ACLY: variants seen among roughly 807,000 people sequenced by gnomAD.
ACLY encodes the protein ATP citrate lyase.
ACLY carries 41 observed loss-of-function variants against 133.0 expected under a neutral mutation model. That is an observed-to-expected ratio of 0.31 (90% CI 0.24 to 0.40). The LOEUF is 0.40. ACLY is among the 10% of genes least tolerant of loss of function. ACLY has a pLI of 1.00. For missense variants in ACLY, 1,046 were observed against 1,453.8 expected (o/e 0.72, Z 4.56); for synonymous variants, 495 against 549.3 (o/e 0.90, Z 1.38).
At chr17:41,890,005 C>T (rs1385888404) in intron 16 of ACLY, among the ~76,000 whole-genome samples, 2 of 152,154 alleles carry the variant, frequency 1.3e-5, no homozygotes, top group Non-Finnish European at 2.9e-5. Context: ...AGTAGTTCAA[C>T]TTCTAGAAAT....
At position 41,873,918 on chromosome 17, in the gene ACLY, G is replaced by A. The variant is rs781924155; in HGVS notation, c.2535C>T (p.Cys845=). The A allele has an allele frequency of 1.1e-4, 169 of 1,609,316 alleles. 2 individuals are homozygous for A. In the South Asian group the frequency reaches 1.2e-3, roughly 12 times the overall value. The change falls in exon 23 of 29, where the codon TGC becomes TGT. Residue 845 remains cysteine (C), a synonymous_variant. Transcript: ENST00000352035. ...AGATGAGCTCCTGTCCTCGCTCATC[G>A]CAGATGCTGGTCATGAACGAGGCAG... is the stretch of plus-strand genomic sequence containing the variant. ...RKPASFMTSI[C]DERGQELIYA...
At position 41,905,687 on chromosome 17, in the gene ACLY, C is replaced by T. The variant is rs149804220; in HGVS notation, c.867-29G>A. Reference sequence around the variant, plus strand: ...CCAAGGAGACAGAAGTCAGTGATGGCTCTCACACTTGGGGCAGGGAGTGGC... The same window carrying T: ...CCAAGGAGACAGAAGTCAGTGATGGTTCTCACACTTGGGGCAGGGAGTGGC... On this transcript the variant is annotated intron_variant, in intron 8 of 28. Coordinates refer to ENST00000352035, the MANE Select transcript of ACLY (RefSeq NM_001096.3). 103 of 1,614,030 alleles carry T rather than the reference C, an allele frequency of 6.4e-5. No individual in the cohort carries two copies. The African/African-American group carries it at 1.2e-3, about 19-fold the overall frequency.
chr17:41,920,514 C>A (rs1555635289), upstream of ACLY, among the ~76,000 whole-genome samples: 1 of 151,314 alleles, frequency 6.6e-6, no homozygotes, highest in Non-Finnish European at 1.5e-5. Flanking sequence ...TCGCTTAAAC[C>A]CGGGAGGTGG....
At chr17:41,881,002 G>A (rs902788105) in intron 20 of ACLY, among the ~76,000 whole-genome samples, 5 of 152,060 alleles carry the variant, frequency 3.3e-5, no homozygotes, top group African/African-American at 1.2e-4. Flanking sequence ...ATGGGGAGGT[G>A]GGGTGGAAAG....
chr17:41,912,401 T>G lies in ACLY; in HGVS notation c.282+19A>C. The stretch of plus-strand genomic sequence containing the variant: ...CTTCTGTTACCACACACGTTCATCC[T>G]GACCCCATGCCCACTCACTGTGGCT... On this transcript the variant is annotated intron_variant, in intron 3 of 28. Transcript: ENST00000352035. 2.5e-6 allele frequency: 4 copies of G among 1,613,164 alleles called. No individual in the cohort carries two copies. The highest frequency in any genetic ancestry group is 2.5e-6 in the Non-Finnish European group (3 of 1,179,528).
chr17:41,869,361 T>A, intron 26 of ACLY, 113 bp downstream of exon 26: 2 of 948,894 alleles, frequency 2.1e-6, no homozygotes, highest in Non-Finnish European at 3.2e-6. Context: ...AAAAATAACA[T>A]TTCTAGAAAA....
At chr17:41,898,258 A>AT (rs1177497273) in intron 12 of ACLY, among the ~76,000 whole-genome samples, 1 of 152,046 alleles carries the variant, frequency 6.6e-6, no homozygotes, top group African/African-American at 2.4e-5. Context: ...GATTACAGAC[A>AT]TGCACCACCA....
intron 18 of ACLY, 37 bp from the exon 19 acceptor site, chr17:41,884,311 G>A: frequency 3.6e-6 from 5 of 1,389,700 alleles, no homozygotes; most frequent in Middle Eastern, 1.8e-4. Context: ...ACAGGATCAG[G>A]AGGAGGCCTG....
intron 23 of ACLY, 30 bp from the exon 24 acceptor site, chr17:41,872,212 T>C (rs781993422): frequency 5.0e-6 from 8 of 1,603,484 alleles, no homozygotes; most frequent in Non-Finnish European, 6.8e-6. Context: ...GGCCAGGAGA[T>C]GGTCGACAAG....
chr17:41,884,328 T>A, intron 18 of ACLY, 54 bp from the exon 19 acceptor site: 2 of 1,220,164 alleles, frequency 1.6e-6, no homozygotes, highest in Non-Finnish European at 1.2e-6. Flanking sequence ...CCTGGGGAAG[T>A]GTGTACAGGG....
intron 18 of ACLY, among the ~76,000 whole-genome samples, chr17:41,885,663 G>A (rs1019674098): frequency 1.3e-5 from 2 of 152,174 alleles, no homozygotes; most frequent in African/African-American, 2.4e-5. Flanking sequence ...TATTCCTCCA[G>A]TAGCCCCATG....
intron 1 of ACLY, among the ~76,000 whole-genome samples, chr17:41,928,778 G>A (rs186170199): frequency 5.5e-4 from 83 of 151,682 alleles, no homozygotes; most frequent in Non-Finnish European, 1.8e-4. Context: ...GCTTGAAACC[G>A]GGAGGCGGAG....
chr17:41,874,000 T>A (rs2048665517), intron 22 of ACLY, 35 bp from the exon 23 acceptor site: 2 of 1,555,932 alleles, frequency 1.3e-6, no homozygotes, highest in South Asian at 2.3e-5. Flanking sequence ...AGCAGGGCCC[T>A]GGTGACCACC....
At chr17:41,901,597 A>G in intron 11 of ACLY, 99 bp downstream of exon 11, 2 of 990,702 alleles carry the variant, frequency 2.0e-6, no homozygotes, top group Non-Finnish European at 3.1e-6. Context: ...GGGAGTAGAG[A>G]GCAAAAGAGC....
At chr17:41,909,427 G>T in intron 5 of ACLY, 83 bp downstream of exon 5, 3 of 1,463,172 alleles carry the variant, frequency 2.1e-6, no homozygotes, top group South Asian at 2.5e-5. Flanking sequence ...AGAGGAGACC[G>T]CTCTGCTCTC....
chr17:41,928,811 T>A (rs1555636246), intron 1 of ACLY, among the ~76,000 whole-genome samples: 1 of 142,684 alleles, frequency 7.0e-6, no homozygotes, highest in Non-Finnish European at 1.5e-5. Context: ...CGAGATCACA[T>A]CACTGCACTC....
intron 1 of ACLY, among the ~76,000 whole-genome samples, chr17:41,927,029 C>A (rs1362199468): frequency 6.6e-6 from 1 of 151,794 alleles, no homozygotes; most frequent in African/African-American, 2.4e-5. Flanking sequence ...CCATCACGCC[C>A]AGCTAATTTT....
At chr17:41,921,479 G>GAAAA (rs782660866), upstream of ACLY, among the ~76,000 whole-genome samples, 2 of 42,416 alleles carry the variant, frequency 4.7e-5, no homozygotes, top group East Asian at 5.9e-4. Flanking sequence ...CCCTGTCTCA[G>GAAAA]AAAAAAAAAA....
At chr17:41,876,324 G>A (rs1363503947) in intron 22 of ACLY, among the ~76,000 whole-genome samples, 17 of 147,482 alleles carry the variant, frequency 1.2e-4, no homozygotes, top group Non-Finnish European at 1.5e-4. Flanking sequence ...CAGCCGCCCC[G>A]TCCGGGAGGT....
Sources: allele counts gnomAD v4.1 joint callset (sites outside exome capture counted in the v4.1 genomes callset), GRCh38; gene constraint gnomAD v4.1.1; transcripts MANE v1.5; gene names NCBI Gene and HGNC (gene_info 2026-07-23, HGNC 2026-07-21).